GABBR2: variants seen among roughly 807,000 people sequenced by gnomAD.
GABBR2 encodes gamma-aminobutyric acid type B receptor subunit 2.
A neutral mutation model predicts 105.6 loss-of-function variants in GABBR2; 23 were observed. The ratio of observed to expected loss-of-function variants is 0.22; its 90% CI spans 0.16 to 0.31. The LOEUF (loss-of-function observed/expected upper bound fraction) is 0.31, where lower values mean the gene tolerates loss of function less well. GABBR2 is among the 10% of genes least tolerant of loss of function. The probability of loss-of-function intolerance (pLI) is 1.00; values close to 1 mark genes in which losing one functional copy is unlikely to be tolerated. For synonymous variants in GABBR2, 478 were observed against 499.7 expected, an observed-to-expected ratio of 0.96 and a Z score of 0.58; for missense variants, 734 against 1,245.5, an observed-to-expected ratio of 0.59 and a Z score of 6.18.
intron 1 of GABBR2, among the ~76,000 whole-genome samples, chr9:98,612,414 A>T (rs1258782917): frequency 3.3e-5 from 5 of 152,202 alleles, no homozygotes; most frequent in African/African-American, 1.2e-4. Context: ...CACCTGTGTG[A>T]CAGGCTGAGG....
chr9:98,405,406 G>C (rs1832472086), intron 8 of GABBR2, among the ~76,000 whole-genome samples: 1 of 152,106 alleles, frequency 6.6e-6, no homozygotes, highest in Non-Finnish European at 1.5e-5. Context: ...ACTCCAGCCA[G>C]GGCAACATAC....
chr9:98,393,309 G>A (rs557703679), intron 9 of GABBR2, among the ~76,000 whole-genome samples: 2 of 119,912 alleles, frequency 1.7e-5, no homozygotes, highest in Non-Finnish European at 3.4e-5. Context: ...CCATCCATCT[G>A]CCCATTCACA....
At chr9:98,602,407 G>T (rs377537980) in intron 1 of GABBR2, among the ~76,000 whole-genome samples, 1 of 150,962 alleles carries the variant, frequency 6.6e-6, no homozygotes, top group Non-Finnish European at 1.5e-5. Flanking sequence ...GGGAGGCAGA[G>T]GGTGCAGTGA....
intron 7 of GABBR2, among the ~76,000 whole-genome samples, chr9:98,427,429 A>G (rs1825717382): frequency 1.3e-5 from 2 of 152,328 alleles, no homozygotes; most frequent in East Asian, 3.9e-4. Context: ...AATGCACTTC[A>G]GAGTGCACAT....
intron 12 of GABBR2, among the ~76,000 whole-genome samples, chr9:98,370,495 TG>T (rs1192934952): frequency 1.3e-5 from 2 of 152,004 alleles, no homozygotes; most frequent in African/African-American, 2.4e-5. Context: ...GTTGGACACC[TG>T]GGTGGATGGG....
Position 98,385,763 on chromosome 9 carries a change from C to T in GABBR2, c.1539G>A (p.Lys513=). 1 of 1,609,218 alleles carries T rather than the reference C, an allele frequency of 6.2e-7. No individual in the cohort carries two copies. Among genetic ancestry groups the T allele is most frequent in the Non-Finnish European group, 8.5e-7 (1 of 1,175,608 alleles). The change falls in exon 11 of 19, where the codon AAG becomes AAA. Residue 513 remains lysine (K), a synonymous_variant. Transcript: ENST00000259455. ...GGTTGTTCATGTATGGACTCGACAT[C>T]TTTATGAGCCTGACAAGAGAAAGAG... ...NIKNRNQKLI[K]MSSPYMNNLI... is the part of the protein sequence containing the mutation.
chr9:98,595,992 T>C (rs1430237852), intron 1 of GABBR2, among the ~76,000 whole-genome samples: 1 of 152,206 alleles, frequency 6.6e-6, no homozygotes, highest in Non-Finnish European at 1.5e-5. Context: ...TGCTTTCTTC[T>C]GGAAGTCTTT....
At chr9:98,578,430 G>T (rs773978580) in intron 1 of GABBR2, among the ~76,000 whole-genome samples, 7 of 151,922 alleles carry the variant, frequency 4.6e-5, no homozygotes, top group Non-Finnish European at 8.8e-5. Context: ...CATTAAAATG[G>T]CTATCATTAA....
chr9:98,595,867 C>T (rs1829227490), intron 1 of GABBR2, among the ~76,000 whole-genome samples: 1 of 152,088 alleles, frequency 6.6e-6, no homozygotes, highest in Admixed American at 6.5e-5. Flanking sequence ...GGTCTCCTCC[C>T]ACAGCCATAA....
chr9:98,402,795 C>A (rs1465515704), intron 8 of GABBR2, among the ~76,000 whole-genome samples: 1 of 152,122 alleles, frequency 6.6e-6, no homozygotes, highest in Non-Finnish European at 1.5e-5. Flanking sequence ...CTCCTGGAGG[C>A]GTTAACTCCC....
At chr9:98,581,628 C>G (rs577111006) in intron 1 of GABBR2, among the ~76,000 whole-genome samples, 3 of 151,812 alleles carry the variant, frequency 2.0e-5, no homozygotes, top group Non-Finnish European at 2.9e-5. Context: ...CAACAGAGCA[C>G]GAGCAGATAA....
intron 1 of GABBR2, among the ~76,000 whole-genome samples, chr9:98,598,963 C>T (rs952827028): frequency 6.6e-6 from 1 of 152,166 alleles, no homozygotes; most frequent in South Asian, 2.1e-4. Flanking sequence ...CTGCCCCCTA[C>T]CTCCTTAGCC....
intron 3 of GABBR2, among the ~76,000 whole-genome samples, chr9:98,521,084 A>T (rs923594527): frequency 8.5e-5 from 13 of 152,206 alleles, no homozygotes; most frequent in African/African-American, 9.6e-5. Context: ...TTTGAGAAAG[A>T]TGGTAAAGCT....
chr9:98,572,750 T>C (rs547773397), intron 2 of GABBR2, among the ~76,000 whole-genome samples: 4 of 152,292 alleles, frequency 2.6e-5, no homozygotes, highest in African/African-American at 4.8e-5. Context: ...TATATCTTCC[T>C]TGCCTGGCTG....
At chr9:98,666,980 A>G (rs1375128820) in intron 1 of GABBR2, among the ~76,000 whole-genome samples, 1 of 152,114 alleles carries the variant, frequency 6.6e-6, no homozygotes, top group African/African-American at 2.4e-5. Flanking sequence ...ATCCACTGGG[A>G]TAGTGCTCCG....
intron 7 of GABBR2, among the ~76,000 whole-genome samples, chr9:98,451,413 C>T (rs960597384): frequency 1.3e-5 from 2 of 152,288 alleles, no homozygotes; most frequent in African/African-American, 2.4e-5. Flanking sequence ...AAATGGACTT[C>T]GCCAATACAT....
At position 98,454,429 on chromosome 9, in the gene GABBR2, G is replaced by T. The variant is rs1826290803; in HGVS notation, c.1000-212C>A. Reference sequence around the variant, plus strand: ...TTTACAGACCCCCCATTTTCAGGGGGGTCAACTTGCTTAGTTCCACAAAGC... The same window carrying T: ...TTTACAGACCCCCCATTTTCAGGGGTGTCAACTTGCTTAGTTCCACAAAGC... On this transcript the variant is annotated intron_variant, in intron 6 of 18. Transcript: ENST00000259455. This position sits in a 1 kb window ranked among gnomAD's most constrained non-coding sequence, Gnocchi z 4.6. Among the ~76,000 whole-genome samples, 1 of 152,030 alleles carries T rather than the reference G, an allele frequency of 6.6e-6. No individual in the cohort carries two copies. The highest frequency in any genetic ancestry group is 6.6e-5 in the Admixed American group (1 of 15,258).
intron 1 of GABBR2, among the ~76,000 whole-genome samples, chr9:98,620,247 TTCTC>T (rs112127893): frequency 1.0e-4 from 15 of 146,616 alleles, no homozygotes; most frequent in Middle Eastern, 3.4e-3. Flanking sequence ...TTTTCTCTCT[TTCTC>T]TCTCTCTCTC....
chr9:98,311,423 C>T (rs1225589026), intron 13 of GABBR2, among the ~76,000 whole-genome samples: 1 of 152,160 alleles, frequency 6.6e-6, no homozygotes, highest in African/African-American at 2.4e-5. Context: ...ACCCTGCACT[C>T]CAGTTCTCTG....
Sources: allele counts gnomAD v4.1 joint callset (sites outside exome capture counted in the v4.1 genomes callset), GRCh38; gene constraint gnomAD v4.1.1; non-coding constraint Gnocchi (gnomAD v3.1); transcripts MANE v1.5; gene names NCBI Gene and HGNC (gene_info 2026-07-23, HGNC 2026-07-21).